Variants in AGAP6 observed in about 807,000 individuals in gnomAD.
AGAP6 encodes arf-GAP with GTPase, ANK repeat and PH domain-containing protein 6.
In AGAP6, 29 loss-of-function variants were observed where a neutral mutation model predicts 63.9. The ratio of observed to expected loss-of-function variants is 0.45; its 90% confidence interval spans 0.34 to 0.62. AGAP6 has a LOEUF of 0.62. Among genes scored for constraint, AGAP6 ranks in the 20% least tolerant of loss-of-function variants. The probability of loss-of-function intolerance (pLI) is 0.01; values close to 1 mark genes in which losing one functional copy is unlikely to be tolerated. For synonymous variants in AGAP6, 199 were observed against 332.9 expected, an observed-to-expected ratio of 0.60 and a Z score of 4.38; for missense variants, 493 against 884.9, an observed-to-expected ratio of 0.56 and a Z score of 5.62.
chr10:49,995,976 G>A lies in AGAP6; in HGVS notation c.396+1547G>A, dbSNP rs1367855562. Among the ~76,000 whole-genome samples, 3 of 152,204 alleles carry A rather than the reference G, an allele frequency of 2.0e-5. No individual in the cohort carries two copies. The South Asian group carries it at 6.2e-4, about 32-fold the overall frequency. ...AGGTTCTGAAATTTTATAACAGCTT[G>A]TTGGGGATCTTTTCATTTTATTGAG... On this transcript the variant is annotated intron_variant, in intron 4 of 7. Transcript: ENST00000412531.
chr10:50,006,152 C>A (rs1294863136), intron 6 of AGAP6, among the ~76,000 whole-genome samples: 1 of 152,104 alleles, frequency 6.6e-6, no homozygotes, highest in Non-Finnish European at 1.5e-5. Context: ...TTGCTCCATA[C>A]TTGTATTTAT....
rs1842058060 is a variant in AGAP6, at chr10:50,010,077, T to C, written c.1952T>C (p.Met651Thr). 2 of 1,610,116 alleles carry C rather than the reference T, an allele frequency of 1.2e-6. No individual in the cohort carries two copies. Among genetic ancestry groups the C allele is most frequent in the Non-Finnish European group, 1.7e-6 (2 of 1,179,162 alleles). ...QLLIWYGVDV[M>T]ARDAHGNTAL... ...CTGATCTGGTACGGGGTGGACGTCA[T>C]GGCCCGAGATGCCCACGGGAACACA... The change falls in exon 8 of 8, where the codon ATG becomes ACG. Residue 651 changes from methionine (M) to threonine (T), a missense_variant. Around this residue, in one of 7 missense-constraint regions of AGAP6, gnomAD observed 7 missense variants for 64.5 expected, o/e 0.11. Coordinates refer to ENST00000412531, the MANE Select transcript of AGAP6 (RefSeq NM_001077665.3).
chr10:50,009,071 T>C lies in AGAP6; in HGVS notation c.946T>C (p.Tyr316His). Residue 316 changes from tyrosine (Y) to histidine (H), a missense_variant, in exon 8 of 8, where the codon TAT (tyrosine) becomes CAT (histidine). By Grantham distance (83) the Tyr-to-His change is moderately conservative. Around this residue, in one of 7 missense-constraint regions of AGAP6, gnomAD observed 342 missense variants for 533.4 expected, o/e 0.64. Coordinates refer to ENST00000412531, the MANE Select transcript of AGAP6 (RefSeq NM_001077665.3). Reference sequence around the variant, plus strand: ...GTGTTCCAATGGCATGCTCACCTATTATTCAAGCTTAGGTGATTATATGAA... The same window carrying C: ...GTGTTCCAATGGCATGCTCACCTATCATTCAAGCTTAGGTGATTATATGAA... ...TLCSNGMLTY[Y>H]SSLGDYMKNI... 6.2e-7 allele frequency: 1 copy of C among 1,613,622 alleles called. No homozygotes were observed. The highest frequency in any genetic ancestry group is 8.5e-7 in the Non-Finnish European group (1 of 1,179,896).
intron 2 of AGAP6, among the ~76,000 whole-genome samples, chr10:49,990,839 T>C (rs1841245041): frequency 6.6e-6 from 1 of 152,178 alleles, no homozygotes; most frequent in Admixed American, 6.5e-5. Flanking sequence ...TCTTCACATT[T>C]CAAGATATTT....
chr10:49,999,130 C>T lies in AGAP6; in HGVS notation c.397-2866C>T, dbSNP rs2132139273. 1.5e-5 allele frequency among the ~76,000 whole-genome samples: 2 copies of T among 136,818 alleles called. 1 individual carries two copies. Among genetic ancestry groups the T allele is most frequent in the African/African-American group, 5.6e-5 (2 of 35,424 alleles). 89.8% of individuals were successfully genotyped at this position (136,818 alleles called of 152,430 possible). On this transcript the variant is annotated intron_variant, in intron 4 of 7. Transcript: ENST00000412531. ...GCGCTCACCTGTAATCCCATCTACTCAGGTGGCTGAGGCAGGAGAATCGCT... is the reference window on the plus strand; with the variant it reads ...GCGCTCACCTGTAATCCCATCTACTTAGGTGGCTGAGGCAGGAGAATCGCT...
intron 4 of AGAP6, among the ~76,000 whole-genome samples, chr10:49,998,803 G>A (rs1416941389): frequency 1.4e-5 from 2 of 140,190 alleles, no homozygotes; most frequent in Admixed American, 8.0e-5. Flanking sequence ...ATTGCTTTTG[G>A]CAGTATGGTC....
chr10:50,004,837 G>A (rs1247665288), intron 6 of AGAP6, 117 bp downstream of exon 6: 16 of 720,318 alleles, frequency 2.2e-5, no homozygotes, highest in African/African-American at 5.4e-5. Flanking sequence ...CTAAAATATC[G>A]AAGCAAATTA....
intron 5 of AGAP6, among the ~76,000 whole-genome samples, chr10:50,003,950 T>C (rs1448324196): frequency 1.3e-5 from 2 of 152,212 alleles, no homozygotes; most frequent in African/African-American, 4.8e-5. Flanking sequence ...ATTACAGGCT[T>C]TTTAAAAAGT....
At position 50,002,037 on chromosome 10, in the gene AGAP6, G is replaced by T; in HGVS notation, c.438G>T (p.Ser146=). Residue 146 remains serine (S), a synonymous_variant, in exon 5 of 8, where the codon TCG becomes TCT. Transcript: ENST00000412531. ...VRFSQQYSLC[S]TIFLDDSTAI... is the part of the protein sequence containing the mutation. The stretch of plus-strand genomic sequence containing the variant: ...TCAGTCAACAATACAGCTTGTGTTC[G>T]ACAATATTCCTTGATGACAGCACAG... 1 of 1,612,464 alleles carries T rather than the reference G, an allele frequency of 6.2e-7. No individual in the cohort carries two copies. Among genetic ancestry groups the T allele is most frequent in the Non-Finnish European group, 8.5e-7 (1 of 1,179,948 alleles).
rs1554864481 is a variant in AGAP6, at chr10:50,008,769, C to T, written c.644C>T (p.Ser215Phe). 1.2e-6 allele frequency: 2 copies of T among 1,614,158 alleles called. No individual in the cohort carries two copies. The highest frequency in any genetic ancestry group is 2.2e-5 in the East Asian group (1 of 44,882). The change falls in exon 8 of 8, where the codon TCC becomes TTC. Residue 215 changes from serine to phenylalanine, a missense_variant. Physicochemically the swap from Ser to Phe is radical, Grantham distance 155. Coordinates refer to ENST00000412531, the MANE Select transcript of AGAP6 (RefSeq NM_001077665.3). ...RNGGGSLNNY[S>F]SSIPSTPSTS... Reference sequence around the variant, plus strand: ...GGAGGTGGGAGTTTAAATAACTATTCCTCCTCCATTCCATCGACTCCCAGC... The same window carrying T: ...GGAGGTGGGAGTTTAAATAACTATTTCTCCTCCATTCCATCGACTCCCAGC...
At chr10:49,989,653 G>A (rs1445204544) in intron 2 of AGAP6, among the ~76,000 whole-genome samples, 3 of 152,098 alleles carry the variant, frequency 2.0e-5, no homozygotes, top group Non-Finnish European at 4.4e-5. Context: ...GTTGCCACGG[G>A]AGAGGCTATA....
rs1196176681 is a variant in AGAP6, at chr10:49,999,466, A to G, written c.397-2530A>G. Among the ~76,000 whole-genome samples, 5 of 141,138 alleles carry G rather than the reference A, an allele frequency of 3.5e-5. 1 individual carries two copies. Among genetic ancestry groups the G allele is most frequent in the African/African-American group, 1.4e-4 (5 of 36,916 alleles). The allele number at this position is 141,138 out of a possible 152,430, so 92.6% of individuals were successfully genotyped here. A position where few individuals can be genotyped will look rare whatever the true frequency, so the allele number is the denominator to read the frequency against. ...ATCAGCATAGAAGGGTCACAGCTCA[A>G]TATAAGAAAAGCCATCTATGACAAA... On this transcript the variant is annotated intron_variant, in intron 4 of 7. Transcript: ENST00000412531.
At chr10:49,997,747 G>A (rs75267346) in intron 4 of AGAP6, among the ~76,000 whole-genome samples, 7 of 150,236 alleles carry the variant, frequency 4.7e-5, no homozygotes, top group African/African-American at 1.7e-4. Context: ...AGCAGTATCC[G>A]CTGAACCCAA....
Position 49,989,388 on chromosome 10 carries a change from G to A in AGAP6, c.292+12G>A. The A allele has an allele frequency of 6.3e-7, 1 of 1,597,448 alleles. No homozygotes were observed. The highest frequency in any genetic ancestry group is 8.5e-7 in the Non-Finnish European group (1 of 1,179,728). On this transcript the variant is annotated intron_variant, in intron 2 of 7. Transcript: ENST00000412531. The stretch of plus-strand genomic sequence containing the variant: ...CTCTCAAACAGAAGGTGAGACAACA[G>A]TGTCTGTAGCTCTATTTATTATCCT...
intron 4 of AGAP6, among the ~76,000 whole-genome samples, chr10:49,996,109 T>G (rs3964934): frequency 6.6e-6 from 1 of 152,214 alleles, no homozygotes; most frequent in Admixed American, 6.5e-5. Flanking sequence ...TAGACCAGTA[T>G]GCCTGCATTG....
chr10:49,994,810 A>G (rs1422496285), intron 4 of AGAP6, among the ~76,000 whole-genome samples: 3 of 152,030 alleles, frequency 2.0e-5, no homozygotes, highest in East Asian at 1.9e-4. Flanking sequence ...TAAAAATACA[A>G]AAGTAGCCGG....
rs201555202 is a variant in AGAP6 at position 50,008,975 on chromosome 10, A to G, written c.850A>G (p.Ile284Val). Residue 284 changes from isoleucine to valine, a missense_variant, in exon 8 of 8, where the codon ATT becomes GTT. Ile to Val is a conservative substitution (Grantham distance 29). Transcript: ENST00000412531. ...CATCGGGAGCGGTAGAGCCATCCCC[A>G]TTAAACAGGGCATGCTCTTAAAGCG... ...DTIGSGRAIP[I>V]KQGMLLKRSG... is the part of the protein sequence containing the mutation. 20 of 1,613,908 alleles carry G rather than the reference A, an allele frequency of 1.2e-5. No individual in the cohort carries two copies. Among genetic ancestry groups the G allele is most frequent in the Non-Finnish European group, 1.5e-5 (18 of 1,179,910 alleles).
intron 4 of AGAP6, among the ~76,000 whole-genome samples, chr10:49,997,371 C>T (rs797025335): frequency 3.4e-4 from 52 of 152,274 alleles, no homozygotes; most frequent in Non-Finnish European, 6.3e-4. Flanking sequence ...TGGTGGCATG[C>T]GCCTTTCGTA....
intron 4 of AGAP6, among the ~76,000 whole-genome samples, chr10:50,000,201 T>G (rs1311530907): frequency 1.7e-5 from 1 of 59,456 alleles, no homozygotes; most frequent in Non-Finnish European, 3.0e-5. Context: ...CGTTAGAGTA[T>G]TTGTTTCTAT....
Sources: gnomAD v4.1 joint callset for allele counts (sites outside exome capture counted in the v4.1 genomes callset) on GRCh38, gnomAD v4.1.1 for gene constraint, gnomAD v4.1.1 regional missense constraint, MANE v1.5 for transcripts, NCBI Gene and HGNC (gene_info 2026-07-23, HGNC 2026-07-21) for gene names.